BAZ2B: variants seen among roughly 807,000 people sequenced by gnomAD.
BAZ2B encodes bromodomain adjacent to zinc finger domain protein 2B.
A neutral mutation model predicts 246.0 loss-of-function variants in BAZ2B; 91 were observed. The observed-to-expected ratio is 0.37, with a 90% confidence interval of 0.31 to 0.44. BAZ2B has a LOEUF of 0.44. Among genes scored for constraint, BAZ2B ranks in the 20% least tolerant of loss-of-function variants. The probability of loss-of-function intolerance (pLI) is 1.00; values close to 1 mark genes in which losing one functional copy is unlikely to be tolerated. For synonymous variants in BAZ2B, 855 were observed against 860.0 expected (o/e 0.99, Z 0.10); for missense variants, 2,332 against 2,533.7 (o/e 0.92, Z 1.71).
chr2:159,484,723 C>T (rs1428760710), intron 2 of BAZ2B, among the ~76,000 whole-genome samples: 1 of 152,134 alleles, frequency 6.6e-6, no homozygotes. Context: ...TGAACAGGTG[C>T]TAACAGGGAG....
intron 14 of BAZ2B, among the ~76,000 whole-genome samples, chr2:159,407,100 A>AATAAGATCAACATG (rs2066064120): frequency 6.6e-6 from 1 of 151,996 alleles, no homozygotes; most frequent in African/African-American, 2.4e-5. Flanking sequence ...ACAGCTACTT[A>AATAAGATCAACATG]ATAAGATCAA....
At chr2:159,506,162 C>T (rs1317256253) in intron 2 of BAZ2B, among the ~76,000 whole-genome samples, 1 of 152,072 alleles carries the variant, frequency 6.6e-6, no homozygotes, top group Admixed American at 6.6e-5. Flanking sequence ...AGGACCTCCA[C>T]CCCTCCGAAA....
intron 4 of BAZ2B, 137 bp downstream of exon 4, chr2:159,453,476 G>T: frequency 9.7e-7 from 1 of 1,030,326 alleles, no homozygotes; most frequent in Non-Finnish European, 1.3e-6. Flanking sequence ...TGATAAATAG[G>T]ATTAAGCCAA....
At chr2:159,326,190 CTG>C (rs2063690101) in intron 34 of BAZ2B, among the ~76,000 whole-genome samples, 1 of 152,200 alleles carries the variant, frequency 6.6e-6, no homozygotes, top group Admixed American at 6.5e-5. Context: ...CAGAAGGTGT[CTG>C]TAGTATTCTT....
rs2075374948 is a variant in BAZ2B at position 159,453,755 on chromosome 2, T to C, written c.192A>G (p.Thr64=). The change falls in exon 4 of 37, where the codon ACA becomes ACG. Residue 64 remains threonine (T), a synonymous_variant. Transcript: ENST00000392783. ...TAGDQPFNLS[T]VSSAFPMVSH... ...TGACCATTGGGAAGGCACTCGACACTGTGGACAGGTTAAACGGTTGATCCC... is the reference window on the plus strand; with the variant it reads ...TGACCATTGGGAAGGCACTCGACACCGTGGACAGGTTAAACGGTTGATCCC... The C allele has an allele frequency of 6.2e-7, 1 of 1,613,000 alleles. No individual in the cohort carries two copies. Among genetic ancestry groups the C allele is most frequent in the Non-Finnish European group, 8.5e-7 (1 of 1,179,496 alleles).
chr2:159,435,936 G>A (rs1026713246), intron 8 of BAZ2B, among the ~76,000 whole-genome samples: 7 of 152,164 alleles, frequency 4.6e-5, no homozygotes, highest in Admixed American at 4.6e-4. Context: ...CAAAATATTT[G>A]TACCTAAGGC....
intron 1 of BAZ2B, among the ~76,000 whole-genome samples, chr2:159,579,687 C>A (rs530915696): frequency 6.6e-6 from 1 of 152,278 alleles, no homozygotes; most frequent in African/African-American, 2.4e-5. Context: ...AAAATACTGG[C>A]AAACTGAATC....
Position 159,347,762 on chromosome 2 carries a change from C to T in BAZ2B, c.5294-116G>A, listed in dbSNP as rs1186536480. ...ACCCATGTACATCTAACTTGACATA[C>T]ACAAATGCACTTGTGTATGTACAGG... On this transcript the variant is annotated intron_variant, in intron 30 of 36. Coordinates refer to ENST00000392783, the MANE Select transcript of BAZ2B (RefSeq NM_013450.4). 4.9e-6 allele frequency: 4 copies of T among 816,074 alleles called. No homozygotes were observed. In the Admixed American group the frequency reaches 1.1e-4, roughly 23 times the overall value. 50.6% of individuals were successfully genotyped at this position (816,074 alleles called of 1,614,324 possible). A position where few individuals can be genotyped will look rare whatever the true frequency, so the allele number is the denominator to read the frequency against.
intron 11 of BAZ2B, 35 bp downstream of exon 11, chr2:159,429,165 G>C (rs2070601091): frequency 3.5e-6 from 5 of 1,418,528 alleles, no homozygotes; most frequent in Middle Eastern, 1.8e-4. Context: ...AAATATATGG[G>C]GGAAAAAGAA....
At chr2:159,589,879 C>T (rs373830304) in intron 1 of BAZ2B, among the ~76,000 whole-genome samples, 1 of 152,116 alleles carries the variant, frequency 6.6e-6, no homozygotes. Flanking sequence ...ACCTTTAAGT[C>T]AACCAGATTT....
At chr2:159,447,000 T>C in intron 5 of BAZ2B, 25 bp from the exon 6 acceptor site, 1 of 1,470,528 alleles carries the variant, frequency 6.8e-7, no homozygotes, top group Non-Finnish European at 9.1e-7. Context: ...TAAACATGTT[T>C]ATACAATGGA....
At chr2:159,403,970 A>G (rs2065502541) in intron 16 of BAZ2B, among the ~76,000 whole-genome samples, 1 of 152,092 alleles carries the variant, frequency 6.6e-6, no homozygotes, top group Non-Finnish European at 1.5e-5. Flanking sequence ...ACTCTATATC[A>G]ACTTCTCTAG....
intron 3 of BAZ2B, among the ~76,000 whole-genome samples, chr2:159,475,210 C>A (rs1023017608): frequency 1.3e-5 from 2 of 152,156 alleles, no homozygotes; most frequent in African/African-American, 4.8e-5. Flanking sequence ...TAGGTTTGGT[C>A]TTTTCACATA....
rs1226953538 is a variant in BAZ2B at position 159,425,847 on chromosome 2, A to C, written c.2466+2094T>G. On this transcript the variant is annotated intron_variant, in intron 13 of 36. Transcript: ENST00000392783. ...TTTCAGAGAACATTCTTATATAATG[A>C]TATACATTTCCAGTTAACCATATGC... Among the ~76,000 whole-genome samples, 3 of 152,212 alleles carry C rather than the reference A, an allele frequency of 2.0e-5. No individual in the cohort carries two copies. In the East Asian group the frequency reaches 5.8e-4, roughly 29 times the overall value.
chr2:159,517,475 T>C (rs1384799279), intron 2 of BAZ2B, among the ~76,000 whole-genome samples: 2 of 152,106 alleles, frequency 1.3e-5, no homozygotes, highest in Non-Finnish European at 2.9e-5. Flanking sequence ...TGTAAATTCA[T>C]AAAATTTGCA....
chr2:159,340,583 C>CA (rs934975923), intron 31 of BAZ2B, among the ~76,000 whole-genome samples: 35 of 151,952 alleles, frequency 2.3e-4, no homozygotes, highest in Admixed American at 7.9e-4. Flanking sequence ...TTGGATTTCT[C>CA]AGCAGAAACC....
intron 31 of BAZ2B, among the ~76,000 whole-genome samples, chr2:159,346,432 C>G (rs1457614810): frequency 1.3e-5 from 2 of 152,152 alleles, no homozygotes; most frequent in African/African-American, 4.8e-5. Context: ...TAGCCAGGCA[C>G]AGTGGCTCAT....
Position 159,395,838 on chromosome 2 carries a change from T to C in BAZ2B, c.3010-4A>G, listed in dbSNP as rs1181537887. 6.2e-7 allele frequency: 1 copy of C among 1,602,932 alleles called. No homozygotes were observed. Among genetic ancestry groups the C allele is most frequent in the Non-Finnish European group, 8.5e-7 (1 of 1,175,376 alleles). On this transcript the variant is annotated splice_polypyrimidine_tract_variant and splice_region_variant and intron_variant, in intron 19 of 36. Coordinates refer to ENST00000392783, the MANE Select transcript of BAZ2B (RefSeq NM_013450.4). ...GTTGTCGCCTTCGCTCTCGTTCCTA[T>C]TAGGCCAGATAAAATGTGGAAAATA...
intron 35 of BAZ2B, 104 bp downstream of exon 35, chr2:159,325,548 TA>T (rs1410436564): frequency 3.6e-5 from 45 of 1,255,966 alleles, no homozygotes; most frequent in Admixed American, 5.4e-5. Context: ...TACATTTTTT[TA>T]TTTACATAAA....
Sources: allele counts gnomAD v4.1 joint callset (sites outside exome capture counted in the v4.1 genomes callset), GRCh38; gene constraint gnomAD v4.1.1; transcripts MANE v1.5; gene names NCBI Gene and HGNC (gene_info 2026-07-23, HGNC 2026-07-21).